The following RAPGEF2 variants were observed in gnomAD, a reference collection of about 807,000 sequenced individuals.
RAPGEF2 encodes the protein Rap guanine nucleotide exchange factor 2, also known as PDZ domain containing guanine nucleotide exchange factor (GEF) 1.
In RAPGEF2, 54 loss-of-function variants were observed where a neutral mutation model predicts 186.7. The ratio of observed to expected loss-of-function variants is 0.29; its 90% CI spans 0.23 to 0.36. The LOEUF (loss-of-function observed/expected upper bound fraction) is 0.36, where lower values mean the gene tolerates loss of function less well. Among genes scored for constraint, RAPGEF2 ranks in the 10% least tolerant of loss-of-function variants. The pLI is 1.00. For synonymous variants in RAPGEF2, 712 were observed against 705.9 expected, an observed-to-expected ratio of 1.01 and a Z score of -0.14; for missense variants, 1,532 against 2,045.0, an observed-to-expected ratio of 0.75 and a Z score of 4.84.
chr4:159,354,658 CAA>C (rs995291692), intron 28 of RAPGEF2, among the ~76,000 whole-genome samples: 1 of 152,182 alleles, frequency 6.6e-6, no homozygotes, highest in Non-Finnish European at 1.5e-5. Flanking sequence ...GGGTAAAATA[CAA>C]AACAGTGCCT....
chr4:159,142,025 G>C (rs1266481133), intron 1 of RAPGEF2, among the ~76,000 whole-genome samples: 1 of 152,206 alleles, frequency 6.6e-6, no homozygotes, highest in Non-Finnish European at 1.5e-5. Flanking sequence ...TGTACCTTCT[G>C]AGTGTGTGTG....
chr4:159,320,640 G>T (rs971935193), intron 9 of RAPGEF2, among the ~76,000 whole-genome samples: 1 of 152,050 alleles, frequency 6.6e-6, no homozygotes, highest in Non-Finnish European at 1.5e-5. Context: ...GGATGACATA[G>T]AGTCCAATCA....
intron 7 of RAPGEF2, among the ~76,000 whole-genome samples, chr4:159,280,986 C>CTTCT (rs1554025029): frequency 0.073 from 10,319 of 142,302 alleles, 1,282 homozygotes; most frequent in African/African-American, 0.24. Flanking sequence ...TTAACTACTT[C>CTTCT]TTTTTTTTTT....
chr4:159,329,795 T>G, intron 11 of RAPGEF2, 63 bp from the exon 12 acceptor site: 1 of 1,321,672 alleles, frequency 7.6e-7, no homozygotes. Flanking sequence ...CACTGAATTA[T>G]TAGTACTGCT....
intron 4 of RAPGEF2, among the ~76,000 whole-genome samples, chr4:159,237,401 T>C (rs1036061552): frequency 6.6e-6 from 1 of 152,184 alleles, no homozygotes; most frequent in Non-Finnish European, 1.5e-5. Flanking sequence ...AGTGATGGCC[T>C]AGTCTAACCT....
At chr4:159,121,409 C>T (rs1224796060) in intron 1 of RAPGEF2, among the ~76,000 whole-genome samples, 1 of 151,860 alleles carries the variant, frequency 6.6e-6, no homozygotes, top group African/African-American at 2.4e-5. Flanking sequence ...GTCTGTTGCC[C>T]AGGCTGGAGT....
chr4:159,323,812 G>A (rs1327382182), intron 11 of RAPGEF2, among the ~76,000 whole-genome samples, 195 bp downstream of exon 11: 1 of 150,212 alleles, frequency 6.7e-6, no homozygotes, highest in Non-Finnish European at 1.5e-5. Flanking sequence ...TCTGCCTCCT[G>A]AGTTCTAGTG....
intron 29 of RAPGEF2, 85 bp from the exon 30 acceptor site, chr4:159,358,029 A>G: frequency 7.6e-7 from 1 of 1,309,434 alleles, no homozygotes. Flanking sequence ...AGTTTTATTT[A>G]GCACATCAGT....
intron 1 of RAPGEF2, among the ~76,000 whole-genome samples, chr4:159,169,478 A>G (rs1745673105): frequency 1.3e-5 from 2 of 152,186 alleles, no homozygotes; most frequent in African/African-American, 4.8e-5. Context: ...TGATTTAAGA[A>G]TACAATATAT....
chr4:159,295,754 T>TGTGCGCGC (rs1386754001), intron 7 of RAPGEF2, among the ~76,000 whole-genome samples: 15 of 113,932 alleles, frequency 1.3e-4, no homozygotes, highest in Non-Finnish European at 1.9e-4. Flanking sequence ...TGTGTGTGTG[T>TGTGCGCGC]GCGCGCGCGC....
chr4:159,144,398 A>G (rs1742677260), intron 1 of RAPGEF2, among the ~76,000 whole-genome samples: 1 of 152,152 alleles, frequency 6.6e-6, no homozygotes, highest in African/African-American at 2.4e-5. Context: ...ATTTCTGTGT[A>G]ATTCTTCAGT....
chr4:159,122,398 G>C (rs989258113), intron 1 of RAPGEF2, among the ~76,000 whole-genome samples: 5 of 150,878 alleles, frequency 3.3e-5, no homozygotes, highest in African/African-American at 9.8e-5. Context: ...AGAACTGCTT[G>C]AACTCAGGAG....
rs1223593335 is a variant in RAPGEF2, at chr4:159,263,770, A to C, written c.543+19979A>C. ...TAAGTGTGATTAATCATTACTGAGA[A>C]CAGACCATTTTTCTCAATTTCATAG... is the stretch of plus-strand genomic sequence containing the variant. On this transcript the variant is annotated intron_variant, in intron 7 of 29. Transcript: ENST00000691494. 2.0e-5 allele frequency among the ~76,000 whole-genome samples: 3 copies of C among 152,174 alleles called. No homozygotes were observed. In the East Asian group the frequency reaches 5.8e-4, roughly 29 times the overall value.
intron 7 of RAPGEF2, among the ~76,000 whole-genome samples, chr4:159,286,752 T>G (rs752893681): frequency 5.9e-5 from 9 of 152,226 alleles, no homozygotes; most frequent in South Asian, 4.1e-4. Flanking sequence ...CCTGGCTGGC[T>G]TCATGACTCT....
intron 7 of RAPGEF2, among the ~76,000 whole-genome samples, chr4:159,284,135 C>T (rs575189357): frequency 6.6e-6 from 1 of 152,184 alleles, no homozygotes; most frequent in African/African-American, 2.4e-5. Flanking sequence ...TGAAATCTGT[C>T]TTCATTGGCT....
Position 159,356,140 on chromosome 4 carries a change from T to C in RAPGEF2, c.4939T>C (p.Phe1647Leu). Residue 1647 changes from phenylalanine to leucine, a missense_variant, in exon 29 of 30, where the codon TTT becomes CTT. Phe to Leu is a conservative substitution (Grantham distance 22, BLOSUM62 0). This residue lies in a region of RAPGEF2 where 594 missense variants were observed against 608.5 expected (regional missense o/e 0.98). Transcript: ENST00000691494. The part of the protein sequence containing the change: ...PRLAPYQSQG[F>L]STEEDEDEQV... ...CCTCGCCCCCTATCAGTCCCAAGGGTTTTCCACCGAGGAGGATGGTATATG... is the reference window on the plus strand; with the variant it reads ...CCTCGCCCCCTATCAGTCCCAAGGGCTTTCCACCGAGGAGGATGGTATATG... The C allele has an allele frequency of 6.2e-7, 1 of 1,613,472 alleles. No homozygotes were observed. The highest frequency in any genetic ancestry group is 8.5e-7 in the Non-Finnish European group (1 of 1,179,540).
At position 159,200,426 on chromosome 4, in the gene RAPGEF2, C is replaced by T. The variant is rs560485232; in HGVS notation, c.197+7170C>T. Among the ~76,000 whole-genome samples, 324 of 152,140 alleles carry T rather than the reference C, an allele frequency of 2.1e-3. 2 individuals are homozygous for T. Among genetic ancestry groups the T allele is most frequent in the African/African-American group, 7.2e-3 (300 of 41,514 alleles). On this transcript the variant is annotated intron_variant, in intron 3 of 29. Coordinates refer to ENST00000691494, the MANE Select transcript of RAPGEF2 (RefSeq NM_001394067.2). Reference sequence around the variant, plus strand: ...GAGGTTGCAGTGAGCCAAGAGTGCACCACCGCACTCTGGCCTGGGTGACAG... The same window carrying T: ...GAGGTTGCAGTGAGCCAAGAGTGCATCACCGCACTCTGGCCTGGGTGACAG...
At chr4:159,342,623 G>A (rs1328999267) in intron 20 of RAPGEF2, among the ~76,000 whole-genome samples, 1 of 70,800 alleles carries the variant, frequency 1.4e-5, no homozygotes, top group Non-Finnish European at 3.5e-5. Context: ...TTTATTACTA[G>A]AGGATATTTG....
At chr4:159,204,628 C>T (rs1444413680) in intron 3 of RAPGEF2, among the ~76,000 whole-genome samples, 2 of 152,140 alleles carry the variant, frequency 1.3e-5, no homozygotes, top group Admixed American at 6.5e-5. Context: ...CGTTAATTTC[C>T]TTCCTGTTGA....
Sources: gnomAD v4.1 joint callset for allele counts (sites outside exome capture counted in the v4.1 genomes callset) on GRCh38, gnomAD v4.1.1 for gene constraint, gnomAD v4.1.1 regional missense constraint, MANE v1.5 for transcripts, NCBI Gene and HGNC (gene_info 2026-07-23, HGNC 2026-07-21) for gene names.